The following CDCA3 variants were observed in gnomAD, a reference collection of about 807,000 sequenced individuals.
CDCA3 encodes the protein cell division cycle-associated protein 3.
A neutral mutation model predicts 29.1 loss-of-function variants in CDCA3; 16 were observed. The observed-to-expected ratio is 0.55, with a 90% confidence interval of 0.37 to 0.83. CDCA3 has a LOEUF of 0.83. CDCA3 is among the 40% of genes least tolerant of loss of function. CDCA3 has a pLI of 0.00. For synonymous variants in CDCA3, 88 were observed against 124.5 expected, an observed-to-expected ratio of 0.71 and a Z score of 1.95; for missense variants, 291 against 327.2, an observed-to-expected ratio of 0.89 and a Z score of 0.85.
rs1943818073 is a variant in CDCA3 at position 6,850,300 on chromosome 12, G to A, written c.250+167C>T. On this transcript the variant is annotated intron_variant, in intron 3 of 5. Transcript: ENST00000538862. The surrounding 1 kb of genome is among the most constrained non-coding windows in gnomAD (Gnocchi z 4.7). ...TCCAACGTGCTGGGATTACAGGCAT[G>A]AGCCACCGCACCCAGGCTGGGAACA... The A allele has an allele frequency of 1.1e-6, 1 of 912,426 alleles. No individual in the cohort carries two copies. 56.5% of individuals were successfully genotyped at this position (912,426 alleles called of 1,614,324 possible). A position where few individuals can be genotyped will look rare whatever the true frequency, so the allele number is the denominator to read the frequency against.
Position 6,849,243 on chromosome 12 carries a change from G to T in CDCA3, c.652-45C>A. On this transcript the variant is annotated intron_variant, in intron 5 of 5. Coordinates refer to ENST00000538862, the MANE Select transcript of CDCA3 (RefSeq NM_031299.7). This position sits in a 1 kb window ranked among gnomAD's most constrained non-coding sequence, Gnocchi z 5.2. ...AGTTGGGGGGAGTTGCTGTTCAGAA[G>T]AGGGAAGATCTGGGTAAAAGGGTCT... 5 of 1,612,080 alleles carry T rather than the reference G, an allele frequency of 3.1e-6. No individual in the cohort carries two copies. The highest frequency in any genetic ancestry group is 4.2e-6 in the Non-Finnish European group (5 of 1,178,678).
rs1162226865 is a variant in CDCA3 at position 6,850,255 on chromosome 12, C to T, written c.250+212G>A. ...CTGGTCTTGAACTCCTGGGCTCAAG[C>T]GATCTGACCACCCCGGCCTTCCAAC... On this transcript the variant is annotated intron_variant, in intron 3 of 5. Coordinates refer to ENST00000538862, the MANE Select transcript of CDCA3 (RefSeq NM_031299.7). The surrounding 1 kb of genome is among the most constrained non-coding windows in gnomAD (Gnocchi z 4.7). 9 of 606,888 alleles carry T rather than the reference C, an allele frequency of 1.5e-5. No homozygotes were observed. The highest frequency in any genetic ancestry group is 3.9e-5 in the South Asian group (2 of 50,826). 37.6% of individuals were successfully genotyped at this position (606,888 alleles called of 1,614,324 possible).
At chr12:6,846,206 C>A (rs73260803), downstream of CDCA3, 2,133 of 205,410 alleles carry the variant, frequency 0.01, 45 homozygotes, top group African/African-American at 0.046. Flanking sequence ...TCATCTAAGA[C>A]TAGCCTGAAG....
At chr12:6,845,197 GCCGTGAGAT>G (rs1943662034), downstream of CDCA3, 1 of 176,082 alleles carries the variant, frequency 5.7e-6, no homozygotes, top group Non-Finnish European at 1.2e-5. Flanking sequence ...ACATTTGCTC[GCCGTGAGAT>G]CCAGGCCTTG....
chr12:6,850,752 T>C lies in CDCA3; in HGVS notation c.120+81A>G. 6.3e-7 allele frequency: 1 copy of C among 1,583,004 alleles called. No individual in the cohort carries two copies. Among genetic ancestry groups the C allele is most frequent in the Non-Finnish European group, 8.6e-7 (1 of 1,160,298 alleles). On this transcript the variant is annotated intron_variant, in intron 2 of 5. Transcript: ENST00000538862. The surrounding 1 kb of genome is among the most constrained non-coding windows in gnomAD (Gnocchi z 4.7). ...TAAGGCTAGGATAAGGGTGGGGTCATGACGGCTCTCTCAAAATCAGGTTAG... is the reference window on the plus strand; with the variant it reads ...TAAGGCTAGGATAAGGGTGGGGTCACGACGGCTCTCTCAAAATCAGGTTAG...
rs782448572 is a variant in CDCA3, at chr12:6,849,851, T to TG, written c.257dup (p.Ser87LysfsTer9). ...CACTCAGCTGTTTCACCAGTGGGCTTGGGGGGTCTAGAGGAAGAAAGTGAA... is the reference window on the plus strand; with the variant it reads ...CACTCAGCTGTTTCACCAGTGGGCTTGGGGGGGTCTAGAGGAAGAAAGTGAA... On this transcript the variant is annotated frameshift_variant, in exon 4 of 6. Coordinates refer to ENST00000538862, the MANE Select transcript of CDCA3 (RefSeq NM_031299.7). LOFTEE classifies it high-confidence loss of function. This position sits in a 1 kb window ranked among gnomAD's most constrained non-coding sequence, Gnocchi z 5.2. 4 of 1,534,960 alleles carry TG rather than the reference T, an allele frequency of 2.6e-6. No homozygotes were observed. Among genetic ancestry groups the TG allele is most frequent in the African/African-American group, 2.8e-5 (2 of 72,452 alleles).
downstream of CDCA3, chr12:6,848,127 A>C (rs1943743007): frequency 6.6e-6 from 1 of 152,248 alleles, no homozygotes; most frequent in African/African-American, 2.4e-5. Flanking sequence ...AGGCAGGCAG[A>C]TCACTTGAGC....
At chr12:6,846,912 A>T (rs1555124878), downstream of CDCA3, 6 of 1,474,274 alleles carry the variant, frequency 4.1e-6, no homozygotes, top group Admixed American at 1.1e-4. Flanking sequence ...GGCTGGAGAA[A>T]GGGAAGTGGA....
Position 6,850,679 on chromosome 12 carries a change from G to A in CDCA3, c.121-83C>T. The A allele has an allele frequency of 6.2e-7, 1 of 1,601,898 alleles. No homozygotes were observed. The highest frequency in any genetic ancestry group is 1.7e-5 in the Admixed American group (1 of 59,670). On this transcript the variant is annotated intron_variant, in intron 2 of 5. Transcript: ENST00000538862. The surrounding 1 kb of genome is among the most constrained non-coding windows in gnomAD (Gnocchi z 4.7). ...CCATATTCCAGGAAGGAATTGCCAA[G>A]GCCCTCAGATATCCAGCCTACCCCA...
downstream of CDCA3, chr12:6,847,073 CAG>C (rs1172909866): frequency 4.3e-5 from 25 of 587,248 alleles, no homozygotes; most frequent in Middle Eastern, 4.5e-4. Flanking sequence ...ATCAGGGACA[CAG>C]GGGCAAAGAA....
rs1591598972 is a variant in CDCA3 at position 6,850,577 on chromosome 12, G to A, written c.140C>T (p.Pro47Leu). 6.2e-7 allele frequency: 1 copy of A among 1,614,122 alleles called. No homozygotes were observed. The highest frequency in any genetic ancestry group is 2.2e-5 in the East Asian group (1 of 44,882). The change falls in exon 3 of 6, where the codon CCA becomes CTA. Residue 47 changes from proline to leucine, a missense_variant. Coordinates refer to ENST00000538862, the MANE Select transcript of CDCA3 (RefSeq NM_031299.7). This position sits in a 1 kb window ranked among gnomAD's most constrained non-coding sequence, Gnocchi z 4.7. ...CAGTTGCTCCCCTGCTGGTAGGCCTGGCTGTGGAGAGCTCTCCACCTGTCA... is the reference window on the plus strand; with the variant it reads ...CAGTTGCTCCCCTGCTGGTAGGCCTAGCTGTGGAGAGCTCTCCACCTGTCA... ...TPIQVESSPQPGLPAGEQLEG... is the reference protein window; with the variant it reads ...TPIQVESSPQLGLPAGEQLEG...
Position 6,850,797 on chromosome 12 carries a change from G to A in CDCA3, c.120+36C>T, listed in dbSNP as rs1386822183. 1.9e-6 allele frequency: 3 copies of A among 1,608,652 alleles called. No individual in the cohort carries two copies. Among genetic ancestry groups the A allele is most frequent in the Non-Finnish European group, 1.7e-6 (2 of 1,177,010 alleles). ...GGTTAGGAAGAGACCCAAGAATTCA[G>A]ACATTCTCTGCCTTTCCCACGCTGG... On this transcript the variant is annotated intron_variant, in intron 2 of 5. Coordinates refer to ENST00000538862, the MANE Select transcript of CDCA3 (RefSeq NM_031299.7). The surrounding 1 kb of genome is among the most constrained non-coding windows in gnomAD (Gnocchi z 4.7).
At position 6,849,964 on chromosome 12, in the gene CDCA3, G is replaced by T; in HGVS notation, c.251-106C>A. The T allele has an allele frequency of 9.5e-7, 1 of 1,054,362 alleles. No individual in the cohort carries two copies. The highest frequency in any genetic ancestry group is 1.3e-6 in the Non-Finnish European group (1 of 758,932). The allele number at this position is 1,054,362 out of a possible 1,614,324, so 65.3% of individuals were successfully genotyped here. A position where few individuals can be genotyped will look rare whatever the true frequency, so the allele number is the denominator to read the frequency against. ...CTCATGCCCAGGAGGGTGAGCAAGT[G>T]GGAAGAGAGAAATCAAGGAAATCAA... is the stretch of plus-strand genomic sequence containing the variant. On this transcript the variant is annotated intron_variant, in intron 3 of 5. Transcript: ENST00000538862. This position sits in a 1 kb window ranked among gnomAD's most constrained non-coding sequence, Gnocchi z 5.2.
Position 6,849,913 on chromosome 12 carries a change from G to A in CDCA3, c.251-55C>T, listed in dbSNP as rs1943798224. On this transcript the variant is annotated intron_variant, in intron 3 of 5. Coordinates refer to ENST00000538862, the MANE Select transcript of CDCA3 (RefSeq NM_031299.7). The surrounding 1 kb of genome is among the most constrained non-coding windows in gnomAD (Gnocchi z 5.2). ...CCTTCTGATACACAACATTCAGCAA[G>A]GAGCAAAACATACAGAAACCCAGGA... is the stretch of plus-strand genomic sequence containing the variant. 6.3e-6 allele frequency: 9 copies of A among 1,426,948 alleles called. No individual in the cohort carries two copies. Among genetic ancestry groups the A allele is most frequent in the Non-Finnish European group, 8.4e-6 (9 of 1,072,522 alleles). The allele number at this position is 1,426,948 out of a possible 1,614,324, so 88.4% of individuals were successfully genotyped here. A position where few individuals can be genotyped will look rare whatever the true frequency, so the allele number is the denominator to read the frequency against.
downstream of CDCA3, chr12:6,847,936 G>A (rs1943738888): frequency 6.6e-6 from 1 of 152,272 alleles, no homozygotes; most frequent in Admixed American, 6.5e-5. Context: ...CTGGAACAGT[G>A]GCTCATGCCT....
At chr12:6,848,175 CCTCAT>C (rs1340787796), downstream of CDCA3, 1 of 152,032 alleles carries the variant, frequency 6.6e-6, no homozygotes, top group Admixed American at 6.6e-5. Flanking sequence ...TATGGCAAGA[CCTCAT>C]CTCTATAAAA....
At chr12:6,846,307 G>A (rs1943695494), downstream of CDCA3, 2 of 168,420 alleles carry the variant, frequency 1.2e-5, no homozygotes, top group South Asian at 1.6e-4. Context: ...TCCTAATTCT[G>A]TTGCTCACTT....
At position 6,850,304 on chromosome 12, in the gene CDCA3, C is replaced by T. The variant is rs1943818218; in HGVS notation, c.250+163G>A. 4 of 955,340 alleles carry T rather than the reference C, an allele frequency of 4.2e-6. No homozygotes were observed. Among genetic ancestry groups the T allele is most frequent in the Admixed American group, 2.3e-5 (1 of 44,018 alleles). 59.2% of individuals were successfully genotyped at this position (955,340 alleles called of 1,614,324 possible). A position where few individuals can be genotyped will look rare whatever the true frequency, so the allele number is the denominator to read the frequency against. On this transcript the variant is annotated intron_variant, in intron 3 of 5. Coordinates refer to ENST00000538862, the MANE Select transcript of CDCA3 (RefSeq NM_031299.7). This position sits in a 1 kb window ranked among gnomAD's most constrained non-coding sequence, Gnocchi z 4.7. ...ACGTGCTGGGATTACAGGCATGAGC[C>T]ACCGCACCCAGGCTGGGAACAAAAT...
chr12:6,847,298 C>A (rs5446), downstream of CDCA3: 1 of 221,190 alleles, frequency 4.5e-6, no homozygotes, highest in Non-Finnish European at 9.1e-6. Flanking sequence ...GCTCTGGCAC[C>A]ACTAGGGTCC....
Sources: gnomAD v4.1 joint callset for allele counts on GRCh38, gnomAD v4.1.1 for gene constraint, Gnocchi (gnomAD v3.1) non-coding constraint, MANE v1.5 for transcripts, NCBI Gene and HGNC (gene_info 2026-07-23, HGNC 2026-07-21) for gene names.